The following UBE4A variants were observed in gnomAD, a reference collection of about 807,000 sequenced individuals.
UBE4A encodes the protein ubiquitin conjugation factor E4 A.
In UBE4A, 48 loss-of-function variants were observed where a neutral mutation model predicts 117.9. That is an observed-to-expected ratio of 0.41 (90% CI 0.32 to 0.52). The LOEUF (loss-of-function observed/expected upper bound fraction) is 0.52, where lower values mean the gene tolerates loss of function less well. Ranked by LOEUF, UBE4A falls within the 20% of genes least tolerant of loss-of-function variation. The pLI is 0.33. For missense variants in UBE4A, 1,067 were observed against 1,296.3 expected (o/e 0.82, Z 2.72); for synonymous variants, 407 against 450.0 (o/e 0.90, Z 1.21).
Position 118,381,422 on chromosome 11 carries a change from C to T in UBE4A, c.1908C>T (p.Leu636=), listed in dbSNP as rs549204418. The T allele has an allele frequency of 6.2e-7, 1 of 1,614,014 alleles. No homozygotes were observed. Among genetic ancestry groups the T allele is most frequent in the Admixed American group, 1.7e-5 (1 of 60,002 alleles). The stretch of plus-strand genomic sequence containing the variant: ...TTGCAGATAACCTGGGTGATTTTCT[C>T]ATTTTTCTCCGCCGCTTTGCCGATG... ...EFFADNLGDF[L]IFLRRFADDI... is the part of the protein sequence containing the mutation. The change falls in exon 12 of 20, where the codon CTC becomes CTT. Residue 636 remains leucine (L), a synonymous_variant. Coordinates refer to ENST00000252108, the MANE Select transcript of UBE4A (RefSeq NM_001204077.2).
At position 118,384,867 on chromosome 11, in the gene UBE4A, C is replaced by T. The variant is rs1565537111; in HGVS notation, c.2334C>T (p.Ala778=). 1 of 1,612,618 alleles carries T rather than the reference C, an allele frequency of 6.2e-7. No individual in the cohort carries two copies. The highest frequency in any genetic ancestry group is 8.5e-7 in the Non-Finnish European group (1 of 1,179,748). The change falls in exon 15 of 20, where the codon GCC becomes GCT. Residue 778 remains alanine (A), a synonymous_variant. Transcript: ENST00000252108. The part of the protein sequence containing the change: ...LADYASKNLE[A]MNPPLFLRFL... ...ACTATGCCTCTAAGAATTTAGAAGC[C>T]ATGAATCCCCCACTTTTCCTCCGCT...
chr11:118,375,356 C>T, intron 9 of UBE4A, 127 bp downstream of exon 9: 4 of 1,003,164 alleles, frequency 4.0e-6, no homozygotes, highest in South Asian at 4.8e-5. Context: ...CGAGCTATTT[C>T]GATTTTTTTT....
chr11:118,378,370 A>G (rs1359377854), intron 10 of UBE4A: 2 of 152,234 alleles, frequency 1.3e-5, no homozygotes, highest in Non-Finnish European at 2.9e-5. Context: ...ACCACAAAAG[A>G]CATTAGATAA....
rs1316180784 is a variant in UBE4A at position 118,376,673 on chromosome 11, C to G, written c.1550C>G (p.Thr517Ser). ...VTENLALTEY[T>S]LYLGFHRLHD... Reference sequence around the variant, plus strand: ...GAGAACCTTGCTCTGACAGAGTACACCTTGTACTTGGGATTTCACAGGTAA... The same window carrying G: ...GAGAACCTTGCTCTGACAGAGTACAGCTTGTACTTGGGATTTCACAGGTAA... Residue 517 changes from threonine (T) to serine (S), a missense_variant, in exon 10 of 20, where the codon ACC becomes AGC. Coordinates refer to ENST00000252108, the MANE Select transcript of UBE4A (RefSeq NM_001204077.2). 6.2e-7 allele frequency: 1 copy of G among 1,613,724 alleles called. No individual in the cohort carries two copies. The highest frequency in any genetic ancestry group is 8.5e-7 in the Non-Finnish European group (1 of 1,179,868).
Position 118,396,518 on chromosome 11 carries a change from C to A in UBE4A, c.*78C>A. ...GTTTGTGGTTTCTCTCTTTCTGGTTCTGTTCCTTTTCTTTCTTCTTTTCTT... is the reference window on the plus strand; with the variant it reads ...GTTTGTGGTTTCTCTCTTTCTGGTTATGTTCCTTTTCTTTCTTCTTTTCTT... On this transcript the variant is annotated 3_prime_UTR_variant, in exon 20 of 20. Coordinates refer to ENST00000252108, the MANE Select transcript of UBE4A (RefSeq NM_001204077.2). 14 of 1,376,292 alleles carry A rather than the reference C, an allele frequency of 1.0e-5. No homozygotes were observed. Among genetic ancestry groups the A allele is most frequent in the South Asian group, 3.0e-5 (2 of 66,740 alleles). The allele number at this position is 1,376,292 out of a possible 1,614,324, so 85.3% of individuals were successfully genotyped here. A position where few individuals can be genotyped will look rare whatever the true frequency, so the allele number is the denominator to read the frequency against.
chr11:118,369,608 T>C, intron 4 of UBE4A, 73 bp downstream of exon 4: 1 of 1,106,810 alleles, frequency 9.0e-7, no homozygotes, highest in Non-Finnish European at 1.4e-6. Context: ...CTCACTGTTC[T>C]CCAACTTATG....
At chr11:118,375,700 A>AC (rs1389310450) in intron 9 of UBE4A, among the ~76,000 whole-genome samples, 1 of 151,976 alleles carries the variant, frequency 6.6e-6, no homozygotes, top group African/African-American at 2.4e-5. Flanking sequence ...AAAAAAAAAC[A>AC]CCTGGTAGCT....
chr11:118,384,715 A>C lies in UBE4A; in HGVS notation c.2278A>C (p.Thr760Pro), dbSNP rs1400042925. 2 of 1,613,988 alleles carry C rather than the reference A, an allele frequency of 1.2e-6. No homozygotes were observed. Among genetic ancestry groups the C allele is most frequent in the Non-Finnish European group, 1.7e-6 (2 of 1,179,956 alleles). The change falls in exon 14 of 20, where the codon ACC becomes CCC. Residue 760 changes from threonine (T) to proline (P), a missense_variant. Physicochemically the swap from Thr to Pro is conservative, Grantham distance 38 (BLOSUM62 -1). Coordinates refer to ENST00000252108, the MANE Select transcript of UBE4A (RefSeq NM_001204077.2). ...PILRYMWGTD[T>P]YRESIKDLAD... ...CCTAAGATACATGTGGGGGACAGATACCTATCGGGAGAGCATTAAGGTGAG... is the reference window on the plus strand; with the variant it reads ...CCTAAGATACATGTGGGGGACAGATCCCTATCGGGAGAGCATTAAGGTGAG...
rs531614921 is a variant in UBE4A, at chr11:118,381,495, A to C, written c.1981A>C (p.Ile661Leu). 2.5e-5 allele frequency: 40 copies of C among 1,613,918 alleles called. No homozygotes were observed. Among genetic ancestry groups the C allele is most frequent in the Non-Finnish European group, 3.4e-5 (40 of 1,179,942 alleles). The change falls in exon 12 of 20, where the codon ATC becomes CTC. Residue 661 changes from isoleucine to leucine, a missense_variant. By Grantham distance (5) the Ile-to-Leu change is conservative. Around this residue, in one of 3 missense-constraint regions of UBE4A, gnomAD observed 1,001 missense variants for 1,184.0 expected, o/e 0.85. Transcript: ENST00000252108. ...TTCCCTGGAGCATGTCCTTCACTTT[A>C]TCACCATTTTCACTGGAAGCATAGA... ...ADSLEHVLHF[I>L]TIFTGSIERM...
chr11:118,369,190 G>A (rs1948588655), intron 3 of UBE4A, among the ~76,000 whole-genome samples: 1 of 152,088 alleles, frequency 6.6e-6, no homozygotes, highest in Admixed American at 6.6e-5. Context: ...TGGTACTAAT[G>A]TCTGGGATTT....
At position 118,374,998 on chromosome 11, in the gene UBE4A, T is replaced by G. The variant is rs782198450; in HGVS notation, c.1219T>G (p.Leu407Val). Residue 407 changes from leucine to valine, a missense_variant, in exon 9 of 20, where the codon TTG becomes GTG. Leu to Val is a conservative substitution (Grantham distance 32). Around this residue, in one of 3 missense-constraint regions of UBE4A, gnomAD observed 1,001 missense variants for 1,184.0 expected, o/e 0.85. Coordinates refer to ENST00000252108, the MANE Select transcript of UBE4A (RefSeq NM_001204077.2). ...HCILSWLGNC[L>V]HANAGRTKIW... ...TATCTTGTCCTGGCTTGGAAACTGT[T>G]TGCATGCAAATGCAGGCCGCACCAA... is the stretch of plus-strand genomic sequence containing the variant. 1 of 1,612,626 alleles carries G rather than the reference T, an allele frequency of 6.2e-7. No homozygotes were observed. Among genetic ancestry groups the G allele is most frequent in the South Asian group, 1.1e-5 (1 of 90,990 alleles).
chr11:118,387,078 A>AT, intron 16 of UBE4A, among the ~76,000 whole-genome samples: 1 of 152,212 alleles, frequency 6.6e-6, no homozygotes, highest in Middle Eastern at 3.2e-3. Context: ...GAGATGTGCT[A>AT]TAAGTACAAG....
At chr11:118,381,257 C>A in intron 11 of UBE4A, 134 bp from the exon 12 acceptor site, 1 of 1,051,838 alleles carries the variant, frequency 9.5e-7, no homozygotes, top group Non-Finnish European at 1.4e-6. Flanking sequence ...GACTTAACGA[C>A]CATCTCTAGT....
In UBE4A at chr11:118,382,707, T is replaced by C. The variant is rs1948716486; in HGVS notation, c.2128T>C (p.Cys710Arg). 6.2e-7 allele frequency: 1 copy of C among 1,605,724 alleles called. No homozygotes were observed. The highest frequency in any genetic ancestry group is 1.7e-5 in the Admixed American group (1 of 59,194). ...SSVFHRKRVF[C>R]NFQYAPQLAE... Reference sequence around the variant, plus strand: ...TGTGTTCCACCGGAAACGTGTGTTCTGCAACTTTCAGTATGCACCCCAACT... The same window carrying C: ...TGTGTTCCACCGGAAACGTGTGTTCCGCAACTTTCAGTATGCACCCCAACT... Residue 710 changes from cysteine (C) to arginine (R), a missense_variant, in exon 13 of 20, where the codon TGC becomes CGC. Physicochemically the swap from Cys to Arg is radical, Grantham distance 180. This residue lies in a region of UBE4A where 1,001 missense variants were observed against 1,184.0 expected (regional missense o/e 0.85). Coordinates refer to ENST00000252108, the MANE Select transcript of UBE4A (RefSeq NM_001204077.2).
At chr11:118,382,886 A>T in intron 13 of UBE4A, 110 bp downstream of exon 13, 1 of 1,018,716 alleles carries the variant, frequency 9.8e-7, no homozygotes, top group Non-Finnish European at 1.3e-6. Flanking sequence ...TACTTATTGA[A>T]TACCTACTAT....
intron 3 of UBE4A, 33 bp downstream of exon 3, chr11:118,368,837 T>G: frequency 6.2e-7 from 1 of 1,608,490 alleles, no homozygotes; most frequent in Non-Finnish European, 8.5e-7. Context: ...TATTCTACCC[T>G]TCCTATTTGA....
At chr11:118,372,245 ACT>A (rs1178768657) in intron 5 of UBE4A, among the ~76,000 whole-genome samples, 1 of 152,062 alleles carries the variant, frequency 6.6e-6, no homozygotes, top group Non-Finnish European at 1.5e-5. Context: ...ACAGAGCGAG[ACT>A]CTGTCTCAAA....
rs1227401298 is a variant in UBE4A at position 118,373,244 on chromosome 11, C to G, written c.880C>G (p.Leu294Val). Residue 294 changes from leucine (L) to valine (V), a missense_variant, in exon 7 of 20, where the codon CTG becomes GTG. Coordinates refer to ENST00000252108, the MANE Select transcript of UBE4A (RefSeq NM_001204077.2). ...CTGTCAGATCCTTTTGTATGCATAT[C>G]TGGATATTCTTCTCTATTTCACTAG... ...ELCQILLYAY[L>V]DILLYFTRQK... is the part of the protein sequence containing the mutation. 2 of 1,613,182 alleles carry G rather than the reference C, an allele frequency of 1.2e-6. No individual in the cohort carries two copies. The highest frequency in any genetic ancestry group is 1.7e-5 in the Admixed American group (1 of 59,990).
chr11:118,373,646 C>T lies in UBE4A; in HGVS notation c.1077C>T (p.Ser359=), dbSNP rs1948627650. The change falls in exon 8 of 20, where the codon AGC becomes AGT. Residue 359 remains serine, a synonymous_variant. Coordinates refer to ENST00000252108, the MANE Select transcript of UBE4A (RefSeq NM_001204077.2). ...HGYFLNPSRS[S]PQEIKVQEAN... ...ACTTTTTGAATCCATCTCGTTCCAG[C>T]CCCCAGGAGATCAAAGTACAGGAGG... is the stretch of plus-strand genomic sequence containing the variant. The T allele has an allele frequency of 7.4e-6, 12 of 1,613,996 alleles. 1 individual carries two copies. In the Middle Eastern group the frequency reaches 1.2e-3, roughly 155 times the overall value.
Sources: allele counts gnomAD v4.1 joint callset (sites outside exome capture counted in the v4.1 genomes callset), GRCh38; gene constraint gnomAD v4.1.1; regional missense constraint gnomAD v4.1.1; transcripts MANE v1.5; gene names NCBI Gene and HGNC (gene_info 2026-07-23, HGNC 2026-07-21).